CDH13: variants seen among roughly 807,000 people sequenced by gnomAD.
The protein encoded by CDH13 is cadherin-13.
In CDH13, 24 loss-of-function variants were observed where a neutral mutation model predicts 63.8. That is an observed-to-expected ratio of 0.38 (90% CI 0.27 to 0.53). The LOEUF (loss-of-function observed/expected upper bound fraction) is 0.53. Among genes scored for constraint, CDH13 ranks in the 20% least tolerant of loss-of-function variants. The pLI is 0.85. For missense variants in CDH13, 1,049 were observed against 903.1 expected (o/e 1.16, Z -2.07); for synonymous variants, 503 against 355.3 (o/e 1.42, Z -4.67).
chr16:82,698,729 G>C (rs1204932060), intron 1 of CDH13, among the ~76,000 whole-genome samples: 1 of 152,166 alleles, frequency 6.6e-6, no homozygotes, highest in Non-Finnish European at 1.5e-5. Context: ...CATGGCACAG[G>C]GGGGCGTGAA....
chr16:82,750,705 G>A (rs1273276885), intron 1 of CDH13, among the ~76,000 whole-genome samples: 1 of 152,134 alleles, frequency 6.6e-6, no homozygotes, highest in Non-Finnish European at 1.5e-5. Flanking sequence ...AGGTTGGACA[G>A]AACAGTAAGG....
intron 1 of CDH13, among the ~76,000 whole-genome samples, chr16:82,816,257 G>C (rs1158206411): frequency 6.6e-6 from 1 of 152,070 alleles, no homozygotes; most frequent in Non-Finnish European, 1.5e-5. Context: ...ATTTGTAGCA[G>C]CAATTATTCA....
intron 7 of CDH13, among the ~76,000 whole-genome samples, chr16:83,579,916 C>G (rs1454386555): frequency 6.6e-6 from 1 of 152,154 alleles, no homozygotes; most frequent in African/African-American, 2.4e-5. Context: ...GACACTTAAA[C>G]TATGAGCATG....
At chr16:83,531,361 A>T (rs879768108) in intron 7 of CDH13, among the ~76,000 whole-genome samples, 3 of 152,204 alleles carry the variant, frequency 2.0e-5, no homozygotes, top group Non-Finnish European at 4.4e-5. Context: ...AGACTAAAAG[A>T]TGGCTCCCCC....
intron 1 of CDH13, among the ~76,000 whole-genome samples, chr16:82,785,785 A>C (rs78440719): frequency 1.3e-3 from 202 of 152,370 alleles, no homozygotes; most frequent in African/African-American, 4.5e-3. Context: ...AAGTCGCGGT[A>C]CCGCAAAAGA....
In CDH13 at chr16:83,403,395, G is replaced by A. The variant is rs149452931; in HGVS notation, c.781+58389G>A. Among the ~76,000 whole-genome samples the A allele has an allele frequency of 5.8e-3, 889 of 152,170 alleles. 13 individuals are homozygous for A. Among genetic ancestry groups the A allele is most frequent in the African/African-American group, 0.02 (831 of 41,514 alleles). On this transcript the variant is annotated intron_variant, in intron 6 of 13. Coordinates refer to ENST00000567109, the MANE Select transcript of CDH13 (RefSeq NM_001257.5). ...ATTTAGCACTTTGGGAGGCCGAGGC[G>A]GGTGGATCACGAGGTCAGGAGATCG...
intron 4 of CDH13, among the ~76,000 whole-genome samples, chr16:83,177,508 G>A (rs113498761): frequency 4.3e-4 from 66 of 152,324 alleles, no homozygotes; most frequent in African/African-American, 1.6e-3. Context: ...GATCTTGTAA[G>A]TTGGAGATTG....
chr16:83,656,854 AG>A (rs566066047), intron 8 of CDH13, among the ~76,000 whole-genome samples: 1 of 152,318 alleles, frequency 6.6e-6, no homozygotes, highest in East Asian at 1.9e-4. Context: ...TGATTTTAGA[AG>A]GCATTTCATC....
intron 4 of CDH13, among the ~76,000 whole-genome samples, chr16:83,181,933 G>A (rs551604622): frequency 1.3e-5 from 2 of 152,274 alleles, no homozygotes; most frequent in East Asian, 3.9e-4. Flanking sequence ...CGGGCACAGA[G>A]ACCCTGACTT....
intron 1 of CDH13, among the ~76,000 whole-genome samples, chr16:82,699,474 G>A (rs1303647983): frequency 6.6e-6 from 1 of 152,178 alleles, no homozygotes; most frequent in Non-Finnish European, 1.5e-5. Context: ...TGAGGCAGCC[G>A]ATTCCCAGGT....
intron 5 of CDH13, among the ~76,000 whole-genome samples, chr16:83,297,804 C>T (rs180980873): frequency 5.9e-5 from 9 of 152,104 alleles, no homozygotes; most frequent in Admixed American, 1.3e-4. Flanking sequence ...GTAGACTAAT[C>T]GAAGGACATT....
chr16:83,593,570 A>G (rs889256721), intron 7 of CDH13, among the ~76,000 whole-genome samples: 2 of 150,676 alleles, frequency 1.3e-5, no homozygotes, highest in Non-Finnish European at 3.0e-5. Context: ...TATATATTAT[A>G]TATAATTGTA....
chr16:82,965,819 C>T (rs1395320503), intron 2 of CDH13, among the ~76,000 whole-genome samples: 2 of 152,124 alleles, frequency 1.3e-5, no homozygotes. Flanking sequence ...TTTTAAAAAC[C>T]TGTTTTGGAG....
chr16:83,155,150 C>A (rs1234262165), intron 4 of CDH13, among the ~76,000 whole-genome samples: 1 of 152,126 alleles, frequency 6.6e-6, no homozygotes, highest in African/African-American at 2.4e-5. Flanking sequence ...TTGAAAGCAA[C>A]CAAATTTGGC....
intron 1 of CDH13, among the ~76,000 whole-genome samples, chr16:82,812,854 C>G: frequency 7.4e-6 from 1 of 135,534 alleles, no homozygotes; most frequent in South Asian, 2.3e-4. Context: ...TTCTTTCCTC[C>G]CTTCTTTCCT....
chr16:83,385,761 C>T (rs898605987), intron 6 of CDH13, among the ~76,000 whole-genome samples: 1 of 152,134 alleles, frequency 6.6e-6, no homozygotes, highest in Non-Finnish European at 1.5e-5. Flanking sequence ...GGAACCTCCT[C>T]ACATTCACCA....
chr16:83,597,679 C>A (rs1907398743), intron 7 of CDH13, among the ~76,000 whole-genome samples: 1 of 152,126 alleles, frequency 6.6e-6, no homozygotes, highest in Non-Finnish European at 1.5e-5. Context: ...ACTTTTGAAA[C>A]CTCATCACAA....
At chr16:83,324,882 G>C (rs569260069) in intron 5 of CDH13, among the ~76,000 whole-genome samples, 1 of 152,304 alleles carries the variant, frequency 6.6e-6, no homozygotes, top group East Asian at 1.9e-4. Flanking sequence ...AGATCAAAAT[G>C]CTTAACATTG....
At chr16:83,103,149 C>T (rs755766618) in intron 3 of CDH13, among the ~76,000 whole-genome samples, 16 of 150,692 alleles carry the variant, frequency 1.1e-4, no homozygotes, top group Non-Finnish European at 1.5e-4. Flanking sequence ...GATGGGGTTC[C>T]ACCATGTTGG....
Sources: gnomAD v4.1 joint callset for allele counts (sites outside exome capture counted in the v4.1 genomes callset) on GRCh38, gnomAD v4.1.1 for gene constraint, MANE v1.5 for transcripts, NCBI Gene and HGNC (gene_info 2026-07-23, HGNC 2026-07-21) for gene names.